Variants in RNF220 observed in about 807,000 individuals in gnomAD.
RNF220 encodes the protein E3 ubiquitin-protein ligase RNF220.
RNF220 carries 7 observed loss-of-function variants against 67.1 expected under a neutral mutation model. The observed-to-expected ratio is 0.10, with a 90% CI of 0.06 to 0.20. The LOEUF is 0.20. Ranked by LOEUF, RNF220 falls within the 10% of genes least tolerant of loss-of-function variation. The probability of loss-of-function intolerance (pLI) is 1.00; values close to 1 mark genes in which losing one functional copy is unlikely to be tolerated. For synonymous variants in RNF220, 270 were observed against 283.2 expected, an observed-to-expected ratio of 0.95 and a Z score of 0.47; for missense variants, 565 against 740.3, an observed-to-expected ratio of 0.76 and a Z score of 2.75.
chr1:44,542,194 A>G (rs796269177), intron 2 of RNF220, among the ~76,000 whole-genome samples: 2 of 152,320 alleles, frequency 1.3e-5, no homozygotes, highest in African/African-American at 4.8e-5. Flanking sequence ...CTTTACAGTG[A>G]CCATCATTTT....
intron 8 of RNF220, among the ~76,000 whole-genome samples, chr1:44,641,377 G>A (rs1216083289): frequency 6.6e-6 from 1 of 152,184 alleles, no homozygotes; most frequent in Non-Finnish European, 1.5e-5. Flanking sequence ...GGCCATCTTG[G>A]AGGTCCTGGG....
At chr1:44,501,560 CTGG>C (rs1166250823) in intron 2 of RNF220, among the ~76,000 whole-genome samples, 3,834 of 152,204 alleles carry the variant, frequency 0.025, 141 homozygotes, top group African/African-American at 0.088. Context: ...GTGGGCAGAA[CTGG>C]TCAAGAAAGG....
At chr1:44,552,727 C>T (rs574108777) in intron 2 of RNF220, among the ~76,000 whole-genome samples, 3 of 151,756 alleles carry the variant, frequency 2.0e-5, no homozygotes, top group Non-Finnish European at 4.4e-5. Flanking sequence ...CCCGCCACCA[C>T]GCCCGGCTAA....
chr1:44,632,601 C>T (rs1268621825), intron 6 of RNF220: 2 of 599,616 alleles, frequency 3.3e-6, no homozygotes, highest in Non-Finnish European at 5.9e-6. Flanking sequence ...GCCCAAACCT[C>T]TCTAAAGGCC....
intron 8 of RNF220, among the ~76,000 whole-genome samples, chr1:44,638,907 C>T (rs1052005412): frequency 1.2e-4 from 18 of 152,146 alleles, no homozygotes; most frequent in Non-Finnish European, 2.6e-4. Context: ...ATTTTTGCTG[C>T]CTAGGAGGCA....
At chr1:44,580,030 CAAAAAAAAAAAAAAA>C (rs61499825) in intron 2 of RNF220, among the ~76,000 whole-genome samples, 1 of 65,240 alleles carries the variant, frequency 1.5e-5, no homozygotes, top group Non-Finnish European at 3.2e-5. Flanking sequence ...CCCTGTCTCA[CAAAAAAAAAAAAAAA>C]AAAAAAAAAA....
chr1:44,470,546 G>A (rs894144545), intron 2 of RNF220, among the ~76,000 whole-genome samples: 5 of 152,152 alleles, frequency 3.3e-5, no homozygotes, highest in African/African-American at 1.2e-4. Flanking sequence ...TCTCGCTTCT[G>A]TCATTGTCTG....
chr1:44,607,820 T>A (rs923279449), intron 2 of RNF220, among the ~76,000 whole-genome samples: 14 of 151,896 alleles, frequency 9.2e-5, no homozygotes, highest in African/African-American at 3.1e-4. Context: ...GAGCACCACT[T>A]CCCCCAATCA....
intron 2 of RNF220, among the ~76,000 whole-genome samples, chr1:44,480,673 G>A (rs976560024): frequency 1.3e-4 from 20 of 151,834 alleles, no homozygotes; most frequent in African/African-American, 4.8e-4. Context: ...ATCACTTGAG[G>A]TCAGGAGTTC....
intron 2 of RNF220, among the ~76,000 whole-genome samples, chr1:44,605,180 T>A (rs950556296): frequency 1.3e-5 from 2 of 151,474 alleles, no homozygotes; most frequent in Non-Finnish European, 2.9e-5. Context: ...GCACCTATAG[T>A]CCCAGCTTCT....
chr1:44,524,726 T>A (rs1572767517), intron 2 of RNF220, among the ~76,000 whole-genome samples: 1 of 152,232 alleles, frequency 6.6e-6, no homozygotes, highest in Non-Finnish European at 1.5e-5. Flanking sequence ...ACCTAAACGC[T>A]GAATGTTCGA....
intron 2 of RNF220, among the ~76,000 whole-genome samples, chr1:44,433,518 A>G (rs545948228): frequency 2.0e-5 from 3 of 152,332 alleles, no homozygotes; most frequent in African/African-American, 4.8e-5. Flanking sequence ...AGTTTTTTCC[A>G]ATTCTGCAGT....
chr1:44,410,933 T>G (rs1045975440), intron 1 of RNF220, among the ~76,000 whole-genome samples: 1 of 152,184 alleles, frequency 6.6e-6, no homozygotes, highest in African/African-American at 2.4e-5. Flanking sequence ...ACTATGAAAA[T>G]GTACAACCTA....
intron 2 of RNF220, among the ~76,000 whole-genome samples, chr1:44,588,567 A>G (rs1013793426): frequency 3.9e-5 from 6 of 152,228 alleles, no homozygotes; most frequent in Admixed American, 1.3e-4. Flanking sequence ...GACTCCAACC[A>G]TAATTAACTC....
intron 3 of RNF220, among the ~76,000 whole-genome samples, chr1:44,620,433 T>C (rs891990288): frequency 6.6e-6 from 1 of 152,238 alleles, no homozygotes; most frequent in African/African-American, 2.4e-5. Flanking sequence ...GTACAGTAGA[T>C]ACCTCATTTC....
chr1:44,588,113 G>A (rs56307911), intron 2 of RNF220, among the ~76,000 whole-genome samples: 9,441 of 152,308 alleles, frequency 0.062, 1,011 homozygotes, highest in African/African-American at 0.22. Context: ...CTGGCAGGAA[G>A]CAATCAGGCA....
chr1:44,491,379 T>TA (rs915635845), intron 2 of RNF220, among the ~76,000 whole-genome samples: 2 of 151,818 alleles, frequency 1.3e-5, no homozygotes, highest in Admixed American at 1.3e-4. Flanking sequence ...CAGTGACGTA[T>TA]AAAAAAAATT....
chr1:44,426,466 C>T (rs2147852640), intron 2 of RNF220, among the ~76,000 whole-genome samples: 1 of 152,314 alleles, frequency 6.6e-6, no homozygotes, highest in East Asian at 1.9e-4. Context: ...GTGGCTCACG[C>T]CTGTAATCCC....
intron 2 of RNF220, among the ~76,000 whole-genome samples, chr1:44,513,619 G>T (rs768858085): frequency 4.6e-5 from 7 of 152,196 alleles, no homozygotes; most frequent in Non-Finnish European, 8.8e-5. Context: ...GCAGTAATTG[G>T]CCCTGGCTTT....
Sources: gnomAD v4.1 joint callset for allele counts (sites outside exome capture counted in the v4.1 genomes callset) on GRCh38, gnomAD v4.1.1 for gene constraint, MANE v1.5 for transcripts, NCBI Gene and HGNC (gene_info 2026-07-23, HGNC 2026-07-21) for gene names.